Variants in SFSWAP observed in about 807,000 individuals in gnomAD.
The protein encoded by SFSWAP is splicing factor, suppressor of white-apricot homolog.
A neutral mutation model predicts 100.7 loss-of-function variants in SFSWAP; 17 were observed. That is an observed-to-expected ratio of 0.17 (90% CI 0.12 to 0.25). SFSWAP has a LOEUF of 0.25. Among genes scored for constraint, SFSWAP ranks in the 10% least tolerant of loss-of-function variants. SFSWAP has a pLI of 1.00. For synonymous variants in SFSWAP, 504 were observed against 510.1 expected (o/e 0.99, Z 0.16); for missense variants, 1,005 against 1,262.6 (o/e 0.80, Z 3.09).
chr12:131,753,631 G>A (rs1348078618), intron 8 of SFSWAP: 1 of 522,532 alleles, frequency 1.9e-6, no homozygotes, highest in East Asian at 3.0e-5. Flanking sequence ...TCCAGCATCT[G>A]TTCTTGCGCT....
intron 11 of SFSWAP, among the ~76,000 whole-genome samples, chr12:131,757,714 G>A (rs10902445): frequency 0.32 from 48,488 of 152,020 alleles, 8,783 homozygotes; most frequent in East Asian, 0.52. Flanking sequence ...ATCATTCAGC[G>A]AAACCAAATC....
Position 131,734,923 on chromosome 12 carries a change from A to AT in SFSWAP, c.1081+6495_1081+6496insT, listed in dbSNP as rs1356339462. On this transcript the variant is annotated intron_variant, in intron 7 of 17. Coordinates refer to ENST00000261674, the MANE Select transcript of SFSWAP (RefSeq NM_004592.4). The surrounding 1 kb of genome is among the most constrained non-coding windows in gnomAD (Gnocchi z 4.9). ...CGCATGGGGGTGGGGTGGGGCAGTG[A>AT]GGGGGGGCCCGCTCCGAGAGACAGA... Among the ~76,000 whole-genome samples the AT allele has an allele frequency of 1.2e-5, 1 of 81,442 alleles. No homozygotes were observed. The highest frequency in any genetic ancestry group is 2.6e-5 in the Non-Finnish European group (1 of 39,034). The allele number at this position is 81,442 out of a possible 152,430, so 53.4% of individuals were successfully genotyped here. A position where few individuals can be genotyped will look rare whatever the true frequency, so the allele number is the denominator to read the frequency against.
chr12:131,782,151 A>G (rs1018685638), intron 14 of SFSWAP, among the ~76,000 whole-genome samples: 1 of 152,156 alleles, frequency 6.6e-6, no homozygotes, highest in African/African-American at 2.4e-5. Context: ...ACAAAAGAAC[A>G]AGAAGAAGAA....
intron 14 of SFSWAP, chr12:131,784,855 T>C (rs999455233): frequency 1.2e-5 from 5 of 402,762 alleles, no homozygotes; most frequent in African/African-American, 1.0e-4. Context: ...CTATTACTAA[T>C]AGCCATGACA....
At chr12:131,788,228 A>G (rs1199659550) in intron 15 of SFSWAP, among the ~76,000 whole-genome samples, 1 of 152,238 alleles carries the variant, frequency 6.6e-6, no homozygotes, top group East Asian at 1.9e-4. Flanking sequence ...CCTGATGGCC[A>G]GCCAGCACAC....
Position 131,730,394 on chromosome 12 carries a change from A to C in SFSWAP, c.1081+1966A>C, listed in dbSNP as rs1379601589. Among the ~76,000 whole-genome samples, 1 of 152,250 alleles carries C rather than the reference A, an allele frequency of 6.6e-6. No homozygotes were observed. The highest frequency in any genetic ancestry group is 1.5e-5 in the Non-Finnish European group (1 of 68,048). On this transcript the variant is annotated intron_variant, in intron 7 of 17. Transcript: ENST00000261674. This position sits in a 1 kb window ranked among gnomAD's most constrained non-coding sequence, Gnocchi z 4.0. ...TGAAGCTGCTGCAAAGCAGAGGACT[A>C]GAAATTCAGGGCGGGCTGACCTTGA...
In SFSWAP at chr12:131,754,516, T is replaced by C; in HGVS notation, c.1454+17T>C. The C allele has an allele frequency of 1.3e-6, 2 of 1,552,260 alleles. No homozygotes were observed. The highest frequency in any genetic ancestry group is 1.7e-6 in the Non-Finnish European group (2 of 1,148,612). ...TGATCAAAGGTCAGAAGAAGAATTT[T>C]ATATGTTAGGTATATGGCATTTGGG... is the stretch of plus-strand genomic sequence containing the variant. On this transcript the variant is annotated intron_variant, in intron 9 of 17. Transcript: ENST00000261674.
At chr12:131,744,829 C>G (rs1334092193) in intron 7 of SFSWAP, among the ~76,000 whole-genome samples, 1 of 152,196 alleles carries the variant, frequency 6.6e-6, no homozygotes, top group Non-Finnish European at 1.5e-5. Flanking sequence ...GCCTCACAAT[C>G]ATGGCAGAAG....
intron 14 of SFSWAP, chr12:131,784,314 C>G (rs1884739586): frequency 6.6e-6 from 1 of 152,066 alleles, no homozygotes; most frequent in South Asian, 2.1e-4. Context: ...CTGGTAGAGC[C>G]CAGACCTTGA....
chr12:131,778,368 G>T lies in SFSWAP; in HGVS notation c.2408+38G>T. On this transcript the variant is annotated intron_variant, in intron 14 of 17. Transcript: ENST00000261674. The surrounding 1 kb of genome is among the most constrained non-coding windows in gnomAD (Gnocchi z 4.2). ...GGGGCAGCACCTCTGGTACCCTCAT[G>T]ACCCCCATGTCCTTCACAGGACACC... 1 of 1,596,806 alleles carries T rather than the reference G, an allele frequency of 6.3e-7. No individual in the cohort carries two copies. Among genetic ancestry groups the T allele is most frequent in the South Asian group, 1.1e-5 (1 of 89,662 alleles).
At position 131,764,596 on chromosome 12, in the gene SFSWAP, G is replaced by GCAAACA. The variant is rs1882957235; in HGVS notation, c.1863_1868dup (p.Thr623_Asn624dup). On this transcript the variant is annotated inframe_insertion, in exon 12 of 18. Transcript: ENST00000261674. ...AGGCCAAGAAAGTTCTAGTAGTGCT[G>GCAAACA]CAAACACTAACCCAGCAGTTGCCCC... is the stretch of plus-strand genomic sequence containing the variant. 5 of 1,614,188 alleles carry GCAAACA rather than the reference G, an allele frequency of 3.1e-6. No individual in the cohort carries two copies. The Middle Eastern group carries it at 6.6e-4, about 213-fold the overall frequency.
chr12:131,775,088 A>G (rs1757512334), intron 13 of SFSWAP, among the ~76,000 whole-genome samples: 1 of 152,154 alleles, frequency 6.6e-6, no homozygotes, highest in African/African-American at 2.4e-5. Context: ...GCCAGGGACC[A>G]TGTTTTTCCA....
intron 14 of SFSWAP, chr12:131,785,554 AAAT>A: frequency 4.4e-6 from 1 of 226,680 alleles, no homozygotes. Context: ...GGTCTTCCCA[AAAT>A]AGTAGCTTTA....
At position 131,728,398 on chromosome 12, in the gene SFSWAP, C is replaced by T; in HGVS notation, c.1051C>T (p.Gln351Ter). The T allele has an allele frequency of 6.2e-7, 1 of 1,614,252 alleles. No homozygotes were observed. The highest frequency in any genetic ancestry group is 8.5e-7 in the Non-Finnish European group (1 of 1,180,034). Residue 351 changes from glutamine (Q) to a stop codon, truncating the protein, a stop_gained, in exon 7 of 18, where the codon CAG becomes TAG. Coordinates refer to ENST00000261674, the MANE Select transcript of SFSWAP (RefSeq NM_004592.4). LOFTEE classifies it high-confidence loss of function. ...TPHNADGAPV[Q>*]PSQVEYTADS... ...ACACAACGCAGACGGTGCGCCTGTGCAGCCCTCCCAGGTGGAGTACACGGC... is the reference window on the plus strand; with the variant it reads ...ACACAACGCAGACGGTGCGCCTGTGTAGCCCTCCCAGGTGGAGTACACGGC...
intron 4 of SFSWAP, among the ~76,000 whole-genome samples, chr12:131,723,713 C>G (rs771159071): frequency 2.0e-5 from 3 of 152,148 alleles, no homozygotes; most frequent in African/African-American, 2.4e-5. Context: ...CTTAGGAAAC[C>G]GTGCATTTGT....
At chr12:131,729,433 G>A (rs1343959466) in intron 7 of SFSWAP, among the ~76,000 whole-genome samples, 1 of 152,218 alleles carries the variant, frequency 6.6e-6, no homozygotes, top group Non-Finnish European at 1.5e-5. Context: ...AGCCCCAGGA[G>A]GTTAAGGCTG....
chr12:131,779,318 C>CGTGTGTGAAG (rs1884312534), intron 14 of SFSWAP, among the ~76,000 whole-genome samples: 3 of 92,816 alleles, frequency 3.2e-5, no homozygotes, highest in Admixed American at 2.9e-4. Flanking sequence ...GGCGCTGGTG[C>CGTGTGTGAAG]AGAATGTTTC....
chr12:131,746,974 G>T (rs1215271034), intron 7 of SFSWAP, among the ~76,000 whole-genome samples: 1 of 152,032 alleles, frequency 6.6e-6, no homozygotes, highest in Non-Finnish European at 1.5e-5. Flanking sequence ...TGTGGTGGCG[G>T]GTGCCTGTAG....
chr12:131,743,919 T>C (rs548544335), intron 7 of SFSWAP, among the ~76,000 whole-genome samples: 3 of 152,228 alleles, frequency 2.0e-5, no homozygotes, highest in Non-Finnish European at 4.4e-5. Flanking sequence ...CAACACCACA[T>C]GGAAGCTGCC....
Sources: gnomAD v4.1 joint callset for allele counts (sites outside exome capture counted in the v4.1 genomes callset) on GRCh38, gnomAD v4.1.1 for gene constraint, Gnocchi (gnomAD v3.1) non-coding constraint, MANE v1.5 for transcripts, NCBI Gene and HGNC (gene_info 2026-07-23, HGNC 2026-07-21) for gene names.